Variants in HEATR5A observed in about 807,000 individuals in gnomAD.
HEATR5A encodes HEAT repeat containing 5A.
In HEATR5A, 178 loss-of-function variants were observed where a neutral mutation model predicts 218.8. That is an observed-to-expected ratio of 0.81 (90% CI 0.72 to 0.92). HEATR5A has a LOEUF of 0.92. Ranked by LOEUF, HEATR5A falls within the 40% of genes least tolerant of loss-of-function variation. The pLI is 0.00. For synonymous variants in HEATR5A, 864 were observed against 871.6 expected (o/e 0.99, Z 0.15); for missense variants, 2,420 against 2,418.9 (o/e 1.00, Z -0.01).
At chr14:31,401,057 T>C (rs149791188) in intron 2 of HEATR5A, among the ~76,000 whole-genome samples, 46 of 152,092 alleles carry the variant, frequency 3.0e-4, no homozygotes, top group Non-Finnish European at 4.3e-4. Flanking sequence ...GCCAGGATGG[T>C]CTCGATCTCC....
chr14:31,312,069 T>C (rs1255530084), intron 28 of HEATR5A, among the ~76,000 whole-genome samples: 2 of 152,152 alleles, frequency 1.3e-5, no homozygotes, highest in Non-Finnish European at 2.9e-5. Flanking sequence ...AGATGTGAGT[T>C]ATCAATTAAA....
intron 29 of HEATR5A, 78 bp from the exon 30 acceptor site, chr14:31,308,098 T>C: frequency 7.5e-7 from 1 of 1,331,410 alleles, no homozygotes; most frequent in Non-Finnish European, 1.0e-6. Flanking sequence ...TCTTATATTT[T>C]GGTAAGATAT....
At chr14:31,303,504 T>G (rs1899456399) in intron 32 of HEATR5A, among the ~76,000 whole-genome samples, 1 of 152,164 alleles carries the variant, frequency 6.6e-6, no homozygotes, top group South Asian at 2.1e-4. Flanking sequence ...AAGCATCTAC[T>G]AGGTACTAAA....
At chr14:31,299,565 CAAA>C (rs1418096405) in intron 33 of HEATR5A, among the ~76,000 whole-genome samples, 1 of 149,692 alleles carries the variant, frequency 6.7e-6, no homozygotes, top group African/African-American at 2.5e-5. Flanking sequence ...ACTAAAAATA[CAAA>C]AAAAATTAGC....
At position 31,345,184 on chromosome 14, in the gene HEATR5A, C is replaced by T; in HGVS notation, c.2961G>A (p.Met987Ile). ...GAGTAGGAGGCACATTTAACAACAA[C>T]ATTATAATAAGAGAAAGGGTAGGTT... ...HVEPTLSLIIMLLLNVPPTHA... is the reference protein window; with the variant it reads ...HVEPTLSLIIILLLNVPPTHA... The change falls in exon 20 of 36, where the codon ATG becomes ATA. Residue 987 changes from methionine to isoleucine, a missense_variant. By Grantham distance (10) the Met-to-Ile change is conservative (BLOSUM62 1). Coordinates refer to ENST00000543095, the MANE Select transcript of HEATR5A (RefSeq NM_015473.4). 2.5e-6 allele frequency: 4 copies of T among 1,613,788 alleles called. No individual in the cohort carries two copies. Among genetic ancestry groups the T allele is most frequent in the Non-Finnish European group, 3.4e-6 (4 of 1,179,750 alleles).
intron 13 of HEATR5A, among the ~76,000 whole-genome samples, chr14:31,365,139 C>G (rs775647665): frequency 2.0e-5 from 3 of 152,120 alleles, no homozygotes; most frequent in Non-Finnish European, 4.4e-5. Context: ...TCCCAAAGTG[C>G]TGGGATTACA....
At chr14:31,302,669 G>A (rs1394560127) in intron 32 of HEATR5A, 150 bp from the exon 33 acceptor site, 1 of 595,336 alleles carries the variant, frequency 1.7e-6, no homozygotes, top group Non-Finnish European at 2.9e-6. Flanking sequence ...GATAATGTAA[G>A]TAGCTTTATT....
chr14:31,302,699 T>G (rs1388998395), intron 32 of HEATR5A, 180 bp from the exon 33 acceptor site: 1 of 564,160 alleles, frequency 1.8e-6, no homozygotes, highest in Non-Finnish European at 3.1e-6. Context: ...ATGGATGGAT[T>G]AAATCTTGAT....
chr14:31,374,823 T>C lies in HEATR5A; in HGVS notation c.1854A>G (p.Ala618=). Residue 618 remains alanine, a synonymous_variant, in exon 12 of 36, where the codon GCA becomes GCG. Transcript: ENST00000543095. ...AGACTAAATCCAACCTACCACACAG[T>C]GCACCAGCTCGTCCTTCCAGGGTCA... ...WQVTLEGRAG[A]LCAIKSFVSH... The C allele has an allele frequency of 6.2e-7, 1 of 1,612,970 alleles. No homozygotes were observed. The highest frequency in any genetic ancestry group is 8.5e-7 in the Non-Finnish European group (1 of 1,179,406).
At chr14:31,375,092 T>C (rs1004459064) in intron 11 of HEATR5A, 124 bp from the exon 12 acceptor site, 4 of 788,226 alleles carry the variant, frequency 5.1e-6, no homozygotes, top group Non-Finnish European at 7.9e-6. Context: ...TTTGTCCCCT[T>C]TCTTATCTTC....
Position 31,302,466 on chromosome 14 carries a change from C to G in HEATR5A, c.5293G>C (p.Glu1765Gln), listed in dbSNP as rs1466687843. 12 of 1,595,814 alleles carry G rather than the reference C, an allele frequency of 7.5e-6. No homozygotes were observed. Among genetic ancestry groups the G allele is most frequent in the Non-Finnish European group, 1.0e-5 (12 of 1,170,268 alleles). Residue 1765 changes from glutamate to glutamine, a missense_variant, in exon 33 of 36, where the codon GAG becomes CAG. By Grantham distance (29) the Glu-to-Gln change is conservative (BLOSUM62 2). Coordinates refer to ENST00000543095, the MANE Select transcript of HEATR5A (RefSeq NM_015473.4). ...ILYLTIGVLR[E>Q]TAVKLPGGQL... The stretch of plus-strand genomic sequence containing the variant: ...CCCCCAGGTAACTTCACAGCAGTCT[C>G]TCTGAGGACCCCGATTGTGAGGTAC...
chr14:31,366,181 A>T (rs903784998), intron 13 of HEATR5A, among the ~76,000 whole-genome samples: 1 of 152,170 alleles, frequency 6.6e-6, no homozygotes, highest in African/African-American at 2.4e-5. Flanking sequence ...GGCTGAGGCC[A>T]GATGATCGCT....
chr14:31,375,844 TA>T lies in HEATR5A; in HGVS notation c.1709-877del, dbSNP rs1212180810. On this transcript the variant is annotated intron_variant, in intron 11 of 35. Coordinates refer to ENST00000543095, the MANE Select transcript of HEATR5A (RefSeq NM_015473.4). ...TGAAGGAATCATGACACAAACCCAATAATAATACAAAACAATGTACAATGAT... is the reference window on the plus strand; with the variant it reads ...TGAAGGAATCATGACACAAACCCAATATAATACAAAACAATGTACAATGAT... Among the ~76,000 whole-genome samples the T allele has an allele frequency of 2.0e-5, 3 of 152,292 alleles. No homozygotes were observed. In the East Asian group the frequency reaches 5.8e-4, roughly 29 times the overall value.
At chr14:31,355,524 G>A (rs557931727) in intron 16 of HEATR5A, among the ~76,000 whole-genome samples, 3 of 152,194 alleles carry the variant, frequency 2.0e-5, no homozygotes, top group African/African-American at 7.2e-5. Context: ...CCTGAGGTCA[G>A]GAGATTGAGA....
In HEATR5A at chr14:31,358,794, CA is replaced by C; in HGVS notation, c.2253del (p.Val752LeufsTer18). The C allele has an allele frequency of 6.2e-7, 1 of 1,613,478 alleles. No homozygotes were observed. The highest frequency in any genetic ancestry group is 8.5e-7 in the Non-Finnish European group (1 of 1,179,774). The stretch of plus-strand genomic sequence containing the variant: ...TCATATTCAAGACTTCCGCAAGCAA[CA>C]CCATTACCAAGCAGGAGCTAAAAGG... ...FIEEQLLLGN[G>X]VACGSLEYDP... On this transcript the variant is annotated frameshift_variant, in exon 16 of 36. Transcript: ENST00000543095. LOFTEE classifies it high-confidence loss of function.
Position 31,306,747 on chromosome 14 carries a change from T to C in HEATR5A, c.4951A>G (p.Arg1651Gly). The C allele has an allele frequency of 1.2e-6, 2 of 1,608,928 alleles. No individual in the cohort carries two copies. Among genetic ancestry groups the C allele is most frequent in the Non-Finnish European group, 1.7e-6 (2 of 1,177,182 alleles). The change falls in exon 31 of 36, where the codon AGA (arginine) becomes GGA (glycine). Residue 1651 changes from arginine to glycine, a missense_variant. Coordinates refer to ENST00000543095, the MANE Select transcript of HEATR5A (RefSeq NM_015473.4). The part of the protein sequence containing the change: ...CAAQEHVKEK[R>G]RSAEVDDGAA... ...TAACATTTACCTTCTGCACTTCGTC[T>C]TTTTTCCTTCACATGTTCTTGAGCA...
chr14:31,339,494 C>A (rs1198733330), intron 21 of HEATR5A, among the ~76,000 whole-genome samples: 4 of 140,606 alleles, frequency 2.8e-5, no homozygotes, highest in African/African-American at 1.0e-4. Context: ...AGAAGAAACA[C>A]ATGCAAAGAG....
At position 31,411,004 on chromosome 14, in the gene HEATR5A, TTTGA is replaced by T. The variant is rs2031252416; in HGVS notation, c.-74-7959_-74-7956del. On this transcript the variant is annotated intron_variant, in intron 1 of 35. Coordinates refer to ENST00000543095, the MANE Select transcript of HEATR5A (RefSeq NM_015473.4). ...ATGATTTAAGCTCAATAGGAAATAA[TTTGA>T]TTGAGCTGAGTGGTTCAAACCTATG... Among the ~76,000 whole-genome samples, 5 of 152,294 alleles carry T rather than the reference TTTGA, an allele frequency of 3.3e-5. No homozygotes were observed. The South Asian group carries it at 8.3e-4, about 25-fold the overall frequency.
intron 7 of HEATR5A, among the ~76,000 whole-genome samples, chr14:31,387,653 G>T (rs1460793212): frequency 6.6e-6 from 1 of 151,274 alleles, no homozygotes; most frequent in Non-Finnish European, 1.5e-5. Context: ...TCCGCCTCCT[G>T]GGTTCACGCC....
Sources: gnomAD v4.1 joint callset for allele counts (sites outside exome capture counted in the v4.1 genomes callset) on GRCh38, gnomAD v4.1.1 for gene constraint, MANE v1.5 for transcripts, NCBI Gene and HGNC (gene_info 2026-07-23, HGNC 2026-07-21) for gene names.